Variants in NAALADL2 observed in about 807,000 individuals in gnomAD.
The protein encoded by NAALADL2 is inactive N-acetylated-alpha-linked acidic dipeptidase-like protein 2.
Under a neutral mutation model 87.2 loss-of-function variants are expected in NAALADL2, and 76 were observed. The observed-to-expected ratio is 0.87, with a 90% CI of 0.72 to 1.05. NAALADL2 has a LOEUF of 1.05. Ranked by LOEUF, NAALADL2 falls within the 50% of genes least tolerant of loss-of-function variation. The probability of loss-of-function intolerance (pLI) is 0.00; values close to 1 mark genes in which losing one functional copy is unlikely to be tolerated. For synonymous variants in NAALADL2, 354 were observed against 331.0 expected, an observed-to-expected ratio of 1.07 and a Z score of -0.75; for missense variants, 1,089 against 945.8, an observed-to-expected ratio of 1.15 and a Z score of -1.99.
intron 2 of NAALADL2, among the ~76,000 whole-genome samples, chr3:174,698,218 G>C (rs961355447): frequency 9.3e-5 from 13 of 139,928 alleles, no homozygotes; most frequent in African/African-American, 3.9e-4. Flanking sequence ...TATAGTTTTG[G>C]GTAGGATTAT....
intron 1 of NAALADL2, among the ~76,000 whole-genome samples, chr3:174,468,481 A>T (rs1342556886): frequency 2.0e-5 from 3 of 150,304 alleles, no homozygotes; most frequent in Non-Finnish European, 4.4e-5. Context: ...CCTGGATTCA[A>T]GCAATTCTTG....
At chr3:174,670,167 A>T (rs1158322328) in intron 2 of NAALADL2, among the ~76,000 whole-genome samples, 1 of 151,898 alleles carries the variant, frequency 6.6e-6, no homozygotes, top group Admixed American at 6.6e-5. Context: ...TACGTATAAG[A>T]TCATATCATC....
At chr3:175,230,278 A>G (rs1395615740) in intron 2 of NAALADL2, among the ~76,000 whole-genome samples, 2 of 152,108 alleles carry the variant, frequency 1.3e-5, no homozygotes, top group African/African-American at 4.8e-5. Flanking sequence ...TAAGCACATC[A>G]GAAAATGTGA....
At chr3:174,865,280 T>TA (rs1727013713) in intron 1 of NAALADL2, among the ~76,000 whole-genome samples, 1 of 152,072 alleles carries the variant, frequency 6.6e-6, no homozygotes, top group Non-Finnish European at 1.5e-5. Context: ...TAATGCAGTT[T>TA]ATAATGAACA....
intron 10 of NAALADL2, among the ~76,000 whole-genome samples, chr3:175,584,985 C>A (rs1720334116): frequency 6.6e-6 from 1 of 151,978 alleles, no homozygotes; most frequent in African/African-American, 2.4e-5. Flanking sequence ...TAATAAATAA[C>A]CTTAGTTTAC....
chr3:174,604,562 A>G (rs1269032609), intron 2 of NAALADL2, among the ~76,000 whole-genome samples: 1 of 151,902 alleles, frequency 6.6e-6, no homozygotes, highest in Non-Finnish European at 1.5e-5. Flanking sequence ...TTAGCCATTT[A>G]CATTCAATGT....
intron 5 of NAALADL2, among the ~76,000 whole-genome samples, chr3:175,380,148 A>G (rs148576386): frequency 0.023 from 3,446 of 152,192 alleles, 142 homozygotes; most frequent in African/African-American, 0.08. Context: ...ATGTATGCAT[A>G]TGTAACAAAC....
chr3:174,926,397 A>G (rs1237773527), intron 1 of NAALADL2, among the ~76,000 whole-genome samples: 1 of 152,176 alleles, frequency 6.6e-6, no homozygotes, highest in Non-Finnish European at 1.5e-5. Flanking sequence ...TCCAAGACAC[A>G]TAATTATCAG....
rs954207115 is a variant in NAALADL2, at chr3:175,737,390, A to G, written c.1981A>G (p.Asn661Asp). 3.8e-6 allele frequency: 6 copies of G among 1,593,600 alleles called. No homozygotes were observed. The African/African-American group carries it at 8.1e-5, about 21-fold the overall frequency. ...ALDIALEVQN[N>D]LKGDQPNTHQ... ...TGATATAGCTTTAGAAGTTCAAAAC[A>G]ACCTTAAAGGTAATTTTCCTTTGAA... The change falls in exon 12 of 14, where the codon AAC (asparagine) becomes GAC (aspartate). Residue 661 changes from asparagine (N) to aspartate (D), a missense_variant. Coordinates refer to ENST00000454872, the MANE Select transcript of NAALADL2 (RefSeq NM_207015.3).
At chr3:174,518,057 A>T (rs1190833766) in intron 1 of NAALADL2, among the ~76,000 whole-genome samples, 4 of 152,036 alleles carry the variant, frequency 2.6e-5, no homozygotes, top group African/African-American at 9.7e-5. Flanking sequence ...GACTCGAAAA[A>T]ACTGGAGAAT....
chr3:174,751,456 A>T (rs2109039552), intron 3 of NAALADL2, among the ~76,000 whole-genome samples: 1 of 152,174 alleles, frequency 6.6e-6, no homozygotes, highest in Non-Finnish European at 1.5e-5. Context: ...TGAGGTCAGG[A>T]GTTCGAGACC....
intron 3 of NAALADL2, among the ~76,000 whole-genome samples, chr3:174,749,002 C>G (rs187671558): frequency 2.6e-5 from 4 of 152,010 alleles, no homozygotes; most frequent in African/African-American, 9.7e-5. Flanking sequence ...AATATTGGTG[C>G]CTTTGATGGA....
intron 1 of NAALADL2, among the ~76,000 whole-genome samples, chr3:175,009,445 A>C (rs1749491929): frequency 6.6e-6 from 1 of 152,184 alleles, no homozygotes; most frequent in Admixed American, 6.6e-5. Context: ...AAAGAAGTAA[A>C]AACAGGGACC....
At chr3:175,254,733 C>T (rs1346768777) in intron 3 of NAALADL2, among the ~76,000 whole-genome samples, 1 of 152,082 alleles carries the variant, frequency 6.6e-6, no homozygotes, top group Non-Finnish European at 1.5e-5. Flanking sequence ...TGATCATTTA[C>T]TTAATCAGAC....
chr3:175,220,086 A>G (rs971697307), intron 2 of NAALADL2, among the ~76,000 whole-genome samples: 1 of 151,580 alleles, frequency 6.6e-6, no homozygotes, highest in African/African-American at 2.4e-5. Flanking sequence ...AAATGCTACC[A>G]GGTCATAATG....
chr3:175,071,912 T>G (rs1186768520), intron 1 of NAALADL2, among the ~76,000 whole-genome samples: 2 of 152,100 alleles, frequency 1.3e-5, no homozygotes, highest in Non-Finnish European at 2.9e-5. Context: ...CTCTGGTATT[T>G]TTTTCATATC....
chr3:175,291,068 A>G (rs1755585201), intron 4 of NAALADL2, among the ~76,000 whole-genome samples: 1 of 152,110 alleles, frequency 6.6e-6, no homozygotes, highest in Non-Finnish European at 1.5e-5. Flanking sequence ...CTATTTTACC[A>G]TTTCTTCTCT....
chr3:175,398,707 T>C (rs1770161134), intron 5 of NAALADL2, among the ~76,000 whole-genome samples: 2 of 152,132 alleles, frequency 1.3e-5, no homozygotes, highest in Non-Finnish European at 2.9e-5. Context: ...ATTACATCGT[T>C]GTTTTATTTT....
intron 2 of NAALADL2, among the ~76,000 whole-genome samples, chr3:175,118,121 G>A (rs199603699): frequency 1.6e-5 from 2 of 124,026 alleles, no homozygotes; most frequent in African/African-American, 3.2e-5. Context: ...GTCGTAGGGT[G>A]GGGGGGAGGC....
Sources: allele counts gnomAD v4.1 joint callset (sites outside exome capture counted in the v4.1 genomes callset), GRCh38; gene constraint gnomAD v4.1.1; transcripts MANE v1.5; gene names NCBI Gene and HGNC (gene_info 2026-07-23, HGNC 2026-07-21).